Variants in MIPOL1 observed in about 807,000 individuals in gnomAD.
The protein encoded by MIPOL1 is mirror-image polydactyly gene 1 protein.
In MIPOL1, 57 loss-of-function variants were observed where a neutral mutation model predicts 60.9. The ratio of observed to expected loss-of-function variants is 0.94; its 90% CI spans 0.76 to 1.17. The LOEUF (loss-of-function observed/expected upper bound fraction) is 1.17, where lower values mean the gene tolerates loss of function less well. Among genes scored for constraint, MIPOL1 ranks in the 50% most tolerant of loss-of-function variants. The probability of loss-of-function intolerance (pLI) is 0.00; values close to 1 mark genes in which losing one functional copy is unlikely to be tolerated. For synonymous variants in MIPOL1, 179 were observed against 168.8 expected, an observed-to-expected ratio of 1.06 and a Z score of -0.47; for missense variants, 551 against 511.6, an observed-to-expected ratio of 1.08 and a Z score of -0.74.
At chr14:37,369,222 C>T (rs1380951033) in intron 9 of MIPOL1, among the ~76,000 whole-genome samples, 1 of 151,782 alleles carries the variant, frequency 6.6e-6, no homozygotes, top group Non-Finnish European at 1.5e-5. Flanking sequence ...ACCATTTGGT[C>T]AAAGAAGTAA....
chr14:37,209,204 A>G (rs947321679), intron 1 of MIPOL1, among the ~76,000 whole-genome samples: 13 of 152,114 alleles, frequency 8.5e-5, no homozygotes, highest in African/African-American at 3.1e-4. Flanking sequence ...TGATATAGCT[A>G]TGTCAGCTTT....
chr14:37,449,604 T>A (rs1033834526), intron 11 of MIPOL1, among the ~76,000 whole-genome samples: 3 of 152,158 alleles, frequency 2.0e-5, no homozygotes, highest in Admixed American at 2.0e-4. Flanking sequence ...TTATGGCTCC[T>A]ATCCTTTTGA....
At chr14:37,354,090 G>A (rs1310591689) in intron 9 of MIPOL1, among the ~76,000 whole-genome samples, 1 of 150,828 alleles carries the variant, frequency 6.6e-6, no homozygotes. Flanking sequence ...GTGTCCCAGA[G>A]ATTCTGGTAT....
intron 10 of MIPOL1, among the ~76,000 whole-genome samples, chr14:37,402,149 G>A (rs1460581014): frequency 1.3e-5 from 2 of 151,990 alleles, no homozygotes; most frequent in Non-Finnish European, 2.9e-5. Context: ...ATATCTTTCT[G>A]TGATATGATT....
intron 6 of MIPOL1, among the ~76,000 whole-genome samples, chr14:37,275,994 G>A (rs2083631635): frequency 6.6e-6 from 1 of 151,082 alleles, no homozygotes; most frequent in Non-Finnish European, 1.5e-5. Context: ...ATATCTCATG[G>A]AGAAGATGAA....
intron 10 of MIPOL1, among the ~76,000 whole-genome samples, chr14:37,402,429 GTGAGGATGTTTATGAGTCTGCC>G (rs2093501622): frequency 6.6e-6 from 1 of 152,148 alleles, no homozygotes; most frequent in Non-Finnish European, 1.5e-5. Flanking sequence ...AGACTTAGCT[GTGAGGATGTTTATGAGTCTGCC>G]AATGAGCAAA....
At chr14:37,289,820 C>T (rs1056474942) in intron 7 of MIPOL1, among the ~76,000 whole-genome samples, 2 of 152,150 alleles carry the variant, frequency 1.3e-5, no homozygotes, top group African/African-American at 4.8e-5. Context: ...ACGTTTTAAT[C>T]ATGCAACCCT....
intron 1 of MIPOL1, among the ~76,000 whole-genome samples, chr14:37,206,479 G>A (rs1966114891): frequency 1.3e-5 from 2 of 152,190 alleles, no homozygotes; most frequent in African/African-American, 4.8e-5. Context: ...ACTTCTGGTA[G>A]GGCAGTGCAT....
At chr14:37,379,768 AT>A (rs889396807) in intron 10 of MIPOL1, among the ~76,000 whole-genome samples, 3 of 151,854 alleles carry the variant, frequency 2.0e-5, no homozygotes, top group Non-Finnish European at 2.9e-5. Context: ...AAAAATGTAA[AT>A]TTTTTTTGAG....
chr14:37,282,566 C>T (rs752780033), intron 6 of MIPOL1, among the ~76,000 whole-genome samples: 12 of 151,304 alleles, frequency 7.9e-5, no homozygotes, highest in South Asian at 2.1e-4. Context: ...ACAGTGAGAC[C>T]TTGTCTCTAC....
Position 37,214,147 on chromosome 14 carries a change from C to A in MIPOL1, c.-199+16043C>A, listed in dbSNP as rs138002626. 3.0e-3 allele frequency among the ~76,000 whole-genome samples: 459 copies of A among 152,058 alleles called. 3 individuals are homozygous for A. Among genetic ancestry groups the A allele is most frequent in the African/African-American group, 0.01 (435 of 41,502 alleles). On this transcript the variant is annotated intron_variant, in intron 1 of 12. Coordinates refer to ENST00000684589, the MANE Select transcript of MIPOL1 (RefSeq NM_001388067.1). Reference sequence around the variant, plus strand: ...TAATTGCCTGAAGGTACAAAACTCACTTGTAATAGTAGACAGAAAACCACA... The same window carrying A: ...TAATTGCCTGAAGGTACAAAACTCAATTGTAATAGTAGACAGAAAACCACA...
chr14:37,308,256 T>C, intron 8 of MIPOL1, 93 bp from the exon 9 acceptor site: 1 of 1,238,210 alleles, frequency 8.1e-7, no homozygotes, highest in Non-Finnish European at 1.1e-6. Flanking sequence ...ACTCAGTCAA[T>C]TTACAATTCA....
intron 10 of MIPOL1, chr14:37,401,140 C>A (rs1032508443): frequency 6.6e-6 from 1 of 151,816 alleles, no homozygotes; most frequent in African/African-American, 2.4e-5. Context: ...GGGAGAAACA[C>A]TAAGAAAAAC....
intron 9 of MIPOL1, among the ~76,000 whole-genome samples, chr14:37,363,833 A>G (rs2092374527): frequency 6.6e-6 from 1 of 152,184 alleles, no homozygotes; most frequent in Non-Finnish European, 1.5e-5. Context: ...CATAAGCCTC[A>G]GTAATGGCGG....
chr14:37,528,874 G>C (rs958245067), intron 12 of MIPOL1, among the ~76,000 whole-genome samples: 1 of 152,194 alleles, frequency 6.6e-6, no homozygotes, highest in African/African-American at 2.4e-5. Flanking sequence ...GACTGAGAGA[G>C]AAGGTTTGGA....
At chr14:37,446,006 G>A (rs2094328060) in intron 11 of MIPOL1, among the ~76,000 whole-genome samples, 1 of 152,014 alleles carries the variant, frequency 6.6e-6, no homozygotes, top group African/African-American at 2.4e-5. Context: ...TCAGGACATA[G>A]GCATGGGCAA....
chr14:37,403,664 G>C (rs528747770), intron 10 of MIPOL1, among the ~76,000 whole-genome samples: 1 of 151,740 alleles, frequency 6.6e-6, no homozygotes, highest in Non-Finnish European at 1.5e-5. Context: ...TCTGTTCATC[G>C]TTTTTTATTA....
intron 6 of MIPOL1, among the ~76,000 whole-genome samples, chr14:37,276,139 A>G (rs1186839028): frequency 6.6e-6 from 1 of 151,066 alleles, no homozygotes; most frequent in Non-Finnish European, 1.5e-5. Context: ...ATCTTACTGC[A>G]TTTTAACATG....
chr14:37,350,847 G>A (rs2091302957), intron 9 of MIPOL1, among the ~76,000 whole-genome samples: 1 of 151,996 alleles, frequency 6.6e-6, no homozygotes, highest in Non-Finnish European at 1.5e-5. Flanking sequence ...TTCTGTGCTT[G>A]GATTGTTTCA....
Sources: gnomAD v4.1 joint callset for allele counts (sites outside exome capture counted in the v4.1 genomes callset) on GRCh38, gnomAD v4.1.1 for gene constraint, MANE v1.5 for transcripts, NCBI Gene and HGNC (gene_info 2026-07-23, HGNC 2026-07-21) for gene names.